Variants in ZNF804B observed in about 807,000 individuals in gnomAD.
The protein encoded by ZNF804B is zinc finger 804B.
Under a neutral mutation model 101.4 loss-of-function variants are expected in ZNF804B, and 80 were observed. That is an observed-to-expected ratio of 0.79 (90% CI 0.66 to 0.95). The LOEUF (loss-of-function observed/expected upper bound fraction) is 0.95, where lower values mean the gene tolerates loss of function less well. Among genes scored for constraint, ZNF804B ranks in the 40% least tolerant of loss-of-function variants. ZNF804B has a pLI of 0.00. For missense variants in ZNF804B, 1,673 were observed against 1,561.9 expected (o/e 1.07, Z -1.20); for synonymous variants, 622 against 558.8 (o/e 1.11, Z -1.59).
At chr7:89,289,411 C>G (rs1199823056) in intron 2 of ZNF804B, among the ~76,000 whole-genome samples, 1 of 152,040 alleles carries the variant, frequency 6.6e-6, no homozygotes, top group South Asian at 2.1e-4. Context: ...TGAGCACTCA[C>G]AGTATCTGGT....
chr7:89,273,097 A>C (rs548143065), intron 2 of ZNF804B, among the ~76,000 whole-genome samples: 1 of 152,292 alleles, frequency 6.6e-6, no homozygotes, highest in Non-Finnish European at 1.5e-5. Context: ...ACATGTAATC[A>C]ATTTTTATAA....
At chr7:88,954,541 T>C (rs977013990) in intron 1 of ZNF804B, among the ~76,000 whole-genome samples, 2 of 124,600 alleles carry the variant, frequency 1.6e-5, no homozygotes, top group Non-Finnish European at 3.5e-5. Context: ...TAAGAGAAAC[T>C]CTTTCTAAAA....
chr7:89,111,861 T>C (rs1346893738), intron 1 of ZNF804B, among the ~76,000 whole-genome samples: 1 of 152,120 alleles, frequency 6.6e-6, no homozygotes, highest in Non-Finnish European at 1.5e-5. Flanking sequence ...AGGTGCACTT[T>C]GGGAGATCAA....
chr7:88,796,810 C>T (rs6962831), intron 1 of ZNF804B, among the ~76,000 whole-genome samples: 24,257 of 151,884 alleles, frequency 0.16, 1,972 homozygotes, highest in African/African-American at 0.2. Flanking sequence ...CTAGATTGCA[C>T]GTTTGAAATT....
intron 2 of ZNF804B, among the ~76,000 whole-genome samples, chr7:89,286,554 A>G (rs1410839950): frequency 6.6e-6 from 1 of 152,186 alleles, no homozygotes; most frequent in Non-Finnish European, 1.5e-5. Context: ...GGAGTCGGTG[A>G]GGTTTTCAAG....
chr7:88,889,522 C>A (rs531173668), intron 1 of ZNF804B, among the ~76,000 whole-genome samples: 98 of 152,172 alleles, frequency 6.4e-4, no homozygotes, highest in South Asian at 2.3e-3. Flanking sequence ...ATTTACATTT[C>A]TCTGATGATT....
intron 1 of ZNF804B, among the ~76,000 whole-genome samples, chr7:89,089,555 AT>A (rs950388654): frequency 3.0e-4 from 46 of 151,328 alleles, no homozygotes; most frequent in African/African-American, 6.8e-4. Context: ...GAGAAAAAAA[AT>A]TTTTTTTTGC....
intron 2 of ZNF804B, among the ~76,000 whole-genome samples, chr7:89,309,759 C>CAAAAAAAAAAAAAAAAA (rs397791531): frequency 7.1e-5 from 5 of 70,790 alleles, no homozygotes; most frequent in African/African-American, 2.6e-4. Context: ...GACCCTGTCT[C>CAAAAAAAAAAAAAAAAA]AAAAAAAAAA....
intron 1 of ZNF804B, among the ~76,000 whole-genome samples, chr7:88,940,780 T>TAATAATAAC (rs1403984206): frequency 6.9e-6 from 1 of 144,084 alleles, no homozygotes; most frequent in Non-Finnish European, 1.5e-5. Context: ...ATAATAATAA[T>TAATAATAAC]AATAATAATA....
chr7:88,846,672 A>G (rs948909615), intron 1 of ZNF804B, among the ~76,000 whole-genome samples: 1 of 151,498 alleles, frequency 6.6e-6, no homozygotes, highest in African/African-American at 2.4e-5. Flanking sequence ...TTTTGGTATA[A>G]CATTCTTTTC....
intron 1 of ZNF804B, among the ~76,000 whole-genome samples, chr7:89,053,226 A>G (rs905990366): frequency 3.3e-5 from 5 of 152,162 alleles, no homozygotes; most frequent in African/African-American, 9.6e-5. Context: ...TGTAGTCAAA[A>G]CTACACTTTT....
At chr7:89,137,411 G>A (rs1790653995) in intron 1 of ZNF804B, among the ~76,000 whole-genome samples, 2 of 152,210 alleles carry the variant, frequency 1.3e-5, no homozygotes, top group African/African-American at 4.8e-5. Flanking sequence ...TAAGGTCCAG[G>A]CTGAGGTGGT....
intron 1 of ZNF804B, among the ~76,000 whole-genome samples, chr7:89,194,603 G>C (rs1788516189): frequency 1.3e-5 from 2 of 151,464 alleles, no homozygotes; most frequent in Non-Finnish European, 2.9e-5. Context: ...TCTCAGGTTT[G>C]TCAAAGATCA....
chr7:88,947,456 G>T (rs1364806235), intron 1 of ZNF804B, among the ~76,000 whole-genome samples: 1 of 151,742 alleles, frequency 6.6e-6, no homozygotes, highest in Non-Finnish European at 1.5e-5. Context: ...ATAAGTGGGA[G>T]TTGAACAATG....
chr7:88,776,574 T>TC (rs1790144906), intron 1 of ZNF804B, among the ~76,000 whole-genome samples: 1 of 149,934 alleles, frequency 6.7e-6, no homozygotes, highest in African/African-American at 2.5e-5. Context: ...TTTTTTTTTT[T>TC]TTTTTTTCAG....
At chr7:89,131,669 T>G (rs1790549025) in intron 1 of ZNF804B, among the ~76,000 whole-genome samples, 1 of 152,060 alleles carries the variant, frequency 6.6e-6, no homozygotes, top group Admixed American at 6.6e-5. Context: ...TTATGTGTGA[T>G]TCTTAAGAAA....
intron 1 of ZNF804B, among the ~76,000 whole-genome samples, chr7:89,074,158 G>A (rs1178961840): frequency 1.3e-5 from 2 of 152,160 alleles, no homozygotes; most frequent in African/African-American, 2.4e-5. Flanking sequence ...ATTTACGTGA[G>A]CCAATACATT....
At chr7:89,139,410 T>A (rs1189059925) in intron 1 of ZNF804B, among the ~76,000 whole-genome samples, 1 of 152,074 alleles carries the variant, frequency 6.6e-6, no homozygotes, top group Admixed American at 6.6e-5. Flanking sequence ...ATCAGCTGAC[T>A]CCTCCTTTCA....
At chr7:89,257,017 C>T (rs1789640984) in intron 2 of ZNF804B, among the ~76,000 whole-genome samples, 1 of 152,060 alleles carries the variant, frequency 6.6e-6, no homozygotes, top group Non-Finnish European at 1.5e-5. Context: ...ACTTAAAATG[C>T]CATTGTGAGC....
Sources: gnomAD v4.1 joint callset for allele counts (sites outside exome capture counted in the v4.1 genomes callset) on GRCh38, gnomAD v4.1.1 for gene constraint, MANE v1.5 for transcripts, NCBI Gene and HGNC (gene_info 2026-07-23, HGNC 2026-07-21) for gene names.